The following PTPRN2 variants were observed in gnomAD, a reference collection of about 807,000 sequenced individuals.
PTPRN2 encodes protein tyrosine phosphatase receptor type N2.
A neutral mutation model predicts 118.8 loss-of-function variants in PTPRN2; 74 were observed. That is an observed-to-expected ratio of 0.62 (90% CI 0.52 to 0.76). The LOEUF is 0.76. Among genes scored for constraint, PTPRN2 ranks in the 30% least tolerant of loss-of-function variants. PTPRN2 has a pLI of 0.00. For missense variants in PTPRN2, 1,481 were observed against 1,394.4 expected, an observed-to-expected ratio of 1.06 and a Z score of -0.99; for synonymous variants, 641 against 608.0, an observed-to-expected ratio of 1.05 and a Z score of -0.80.
intron 6 of PTPRN2, among the ~76,000 whole-genome samples, chr7:158,141,117 G>A (rs569071566): frequency 4.6e-5 from 7 of 152,268 alleles, no homozygotes; most frequent in African/African-American, 1.2e-4. Context: ...GACAGGTCCC[G>A]CCGCAACCTT....
intron 21 of PTPRN2, among the ~76,000 whole-genome samples, chr7:157,556,971 A>G (rs1337108677): frequency 6.6e-6 from 1 of 151,246 alleles, no homozygotes; most frequent in Non-Finnish European, 1.5e-5. Flanking sequence ...ATATGCACAC[A>G]CATGCACACA....
At chr7:157,975,155 C>T (rs1341493909) in intron 11 of PTPRN2, among the ~76,000 whole-genome samples, 1 of 152,106 alleles carries the variant, frequency 6.6e-6, no homozygotes, top group Admixed American at 6.5e-5. Flanking sequence ...CTTTCTGGGG[C>T]CCCCCAGTTC....
intron 3 of PTPRN2, among the ~76,000 whole-genome samples, chr7:158,247,996 C>T (rs561095653): frequency 2.6e-5 from 4 of 152,104 alleles, no homozygotes; most frequent in Non-Finnish European, 2.9e-5. Context: ...TTTATCCCCC[C>T]ATTATTAGGG....
chr7:158,044,330 T>G (rs1306224637), intron 11 of PTPRN2, among the ~76,000 whole-genome samples: 3 of 151,702 alleles, frequency 2.0e-5, no homozygotes, highest in African/African-American at 7.3e-5. Context: ...GAGGCAGGGG[T>G]GGGGGGCGTC....
At position 157,853,331 on chromosome 7, in the gene PTPRN2, C is replaced by T. The variant is rs527877048; in HGVS notation, c.1788+45342G>A. On this transcript the variant is annotated intron_variant, in intron 12 of 22. Coordinates refer to ENST00000389418, the MANE Select transcript of PTPRN2 (RefSeq NM_002847.5). ...GGTAACTTCAGAGCCTTCTTCTCAA[C>T]AGGCACGGCCCGCAGAGCCACTGGA... Among the ~76,000 whole-genome samples the T allele has an allele frequency of 3.3e-5, 5 of 152,280 alleles. No homozygotes were observed. In the East Asian group the frequency reaches 9.7e-4, roughly 29 times the overall value.
At chr7:158,229,312 AAAT>A (rs1353308814) in intron 3 of PTPRN2, among the ~76,000 whole-genome samples, 1 of 152,126 alleles carries the variant, frequency 6.6e-6, no homozygotes, top group East Asian at 1.9e-4. Flanking sequence ...TGGAGTAAAT[AAAT>A]AATCCTTCAG....
intron 1 of PTPRN2, among the ~76,000 whole-genome samples, chr7:158,542,432 C>A (rs1214071784): frequency 3.3e-5 from 5 of 152,240 alleles, no homozygotes; most frequent in Non-Finnish European, 1.5e-5. Context: ...GGATTACGGG[C>A]GTGAGCCACG....
At chr7:158,242,159 A>G (rs1240413159) in intron 3 of PTPRN2, among the ~76,000 whole-genome samples, 1 of 152,180 alleles carries the variant, frequency 6.6e-6, no homozygotes. Context: ...CTGGAGGGAA[A>G]GGAGCTGAAC....
At chr7:157,624,454 C>A (rs1373909360) in intron 14 of PTPRN2, among the ~76,000 whole-genome samples, 1 of 151,774 alleles carries the variant, frequency 6.6e-6, no homozygotes, top group Non-Finnish European at 1.5e-5. Context: ...ACACAGGTAA[C>A]CTACTGAGTG....
At position 158,127,709 on chromosome 7, in the gene PTPRN2, G is replaced by C. The variant is rs566794010; in HGVS notation, c.1556+5968C>G. 2.0e-5 allele frequency among the ~76,000 whole-genome samples: 3 copies of C among 152,310 alleles called. No individual in the cohort carries two copies. In the East Asian group the frequency reaches 5.8e-4, roughly 29 times the overall value. ...CTGGGGTAGGCAGAGAGAGGCATGTGTGTGTGAGCCGTGGTCTCTGAAGCT... is the reference window on the plus strand; with the variant it reads ...CTGGGGTAGGCAGAGAGAGGCATGTCTGTGTGAGCCGTGGTCTCTGAAGCT... On this transcript the variant is annotated intron_variant, in intron 9 of 22. Coordinates refer to ENST00000389418, the MANE Select transcript of PTPRN2 (RefSeq NM_002847.5).
chr7:158,171,924 G>A (rs1411331088), intron 5 of PTPRN2, among the ~76,000 whole-genome samples: 1 of 152,160 alleles, frequency 6.6e-6, no homozygotes, highest in East Asian at 1.9e-4. Flanking sequence ...TTCCAGTACA[G>A]GCGATGGACA....
chr7:158,259,084 CT>C (rs1427663360), intron 3 of PTPRN2, among the ~76,000 whole-genome samples: 1 of 152,216 alleles, frequency 6.6e-6, no homozygotes, highest in Non-Finnish European at 1.5e-5. Context: ...GTGAGGACCC[CT>C]GATGCCTCTG....
intron 12 of PTPRN2, among the ~76,000 whole-genome samples, chr7:157,847,848 G>A (rs1462839013): frequency 8.9e-5 from 13 of 146,886 alleles, no homozygotes; most frequent in Middle Eastern, 3.7e-3. Flanking sequence ...ATGTGTGCCC[G>A]ATGTCTACAG....
rs1269558432 is a variant in PTPRN2, at chr7:157,787,165, C to T, written c.1789-104228G>A. 2.1e-5 allele frequency among the ~76,000 whole-genome samples: 3 copies of T among 145,476 alleles called. No homozygotes were observed. Among genetic ancestry groups the T allele is most frequent in the East Asian group, 2.0e-4 (1 of 4,960 alleles). Reference sequence around the variant, plus strand: ...GCCCGGGAGGCGGACGCGGGTGCGGCGGGGGACGCGGGGGTGGCTGCCCGG... The same window carrying T: ...GCCCGGGAGGCGGACGCGGGTGCGGTGGGGGACGCGGGGGTGGCTGCCCGG... On this transcript the variant is annotated intron_variant, in intron 12 of 22. Coordinates refer to ENST00000389418, the MANE Select transcript of PTPRN2 (RefSeq NM_002847.5). This position sits in a 1 kb window ranked among gnomAD's most constrained non-coding sequence, Gnocchi z 5.3.
At chr7:158,287,548 T>G in intron 3 of PTPRN2, among the ~76,000 whole-genome samples, 1 of 152,166 alleles carries the variant, frequency 6.6e-6, no homozygotes, top group Non-Finnish European at 1.5e-5. Context: ...AGAGATCTTT[T>G]AATTCTCTTT....
At chr7:157,791,050 G>A (rs1311669638) in intron 12 of PTPRN2, among the ~76,000 whole-genome samples, 1 of 152,098 alleles carries the variant, frequency 6.6e-6, no homozygotes, top group South Asian at 2.1e-4. Flanking sequence ...CATACTTTAT[G>A]AGCAAAAAAA....
At chr7:157,856,096 C>T (rs1809693617) in intron 12 of PTPRN2, 1 of 152,264 alleles carries the variant, frequency 6.6e-6, no homozygotes. Context: ...AGGCCTTGTC[C>T]TCCCTGCCTG....
At chr7:158,393,333 A>C (rs1486149227) in intron 2 of PTPRN2, among the ~76,000 whole-genome samples, 1 of 152,236 alleles carries the variant, frequency 6.6e-6, no homozygotes, top group Non-Finnish European at 1.5e-5. Context: ...CGAACACTGA[A>C]GGAAAATTAA....
intron 3 of PTPRN2, among the ~76,000 whole-genome samples, chr7:158,312,029 G>A (rs1801805603): frequency 7.1e-6 from 1 of 140,518 alleles, no homozygotes; most frequent in African/African-American, 2.7e-5. Context: ...ATGCTCACGT[G>A]TAGAGACACA....
Sources: allele counts gnomAD v4.1 joint callset (sites outside exome capture counted in the v4.1 genomes callset), GRCh38; gene constraint gnomAD v4.1.1; non-coding constraint Gnocchi (gnomAD v3.1); transcripts MANE v1.5; gene names NCBI Gene and HGNC (gene_info 2026-07-23, HGNC 2026-07-21).